The following MYO16 variants were observed in gnomAD, a reference collection of about 807,000 sequenced individuals.
The protein encoded by MYO16 is myosin XVI.
In MYO16, 94 loss-of-function variants were observed where a neutral mutation model predicts 205.3. The ratio of observed to expected loss-of-function variants is 0.46; its 90% CI spans 0.39 to 0.54. The LOEUF is 0.54. Ranked by LOEUF, MYO16 falls within the 20% of genes least tolerant of loss-of-function variation. The pLI is 0.00. For synonymous variants in MYO16, 988 were observed against 954.0 expected (o/e 1.04, Z -0.66); for missense variants, 2,315 against 2,387.5 (o/e 0.97, Z 0.63).
At chr13:108,541,299 A>G in the MYO16 span, among the ~76,000 whole-genome samples, 1 of 151,630 alleles carries the variant, frequency 6.6e-6, no homozygotes, top group African/African-American at 2.4e-5. Flanking sequence ...ATGTGTCTAT[A>G]TAACATCTAT....
chr13:109,012,754 T>C (rs1172202416), intron 22 of MYO16, among the ~76,000 whole-genome samples: 1 of 145,964 alleles, frequency 6.9e-6, no homozygotes. Context: ...GAGATTTATT[T>C]CAAATTGTTG....
intron 3 of MYO16, among the ~76,000 whole-genome samples, chr13:108,713,139 G>A (rs1322472437): frequency 2.0e-5 from 3 of 151,744 alleles, no homozygotes; most frequent in East Asian, 3.8e-4. Flanking sequence ...ACAAAGTAGG[G>A]GGTAAGTGAA....
At chr13:108,787,191 T>C (rs1886484250) in intron 5 of MYO16, among the ~76,000 whole-genome samples, 1 of 151,992 alleles carries the variant, frequency 6.6e-6, no homozygotes, top group Non-Finnish European at 1.5e-5. Flanking sequence ...GGGAGGAAAT[T>C]TGAAGGTGAT....
chr13:108,866,211 C>T lies in MYO16; in HGVS notation c.1394C>T (p.Pro465Leu). ...FIGDILLLVN[P>L]YKELPIYSSM... ...GGAGACATTCTTTTGCTTGTTAACC[C>T]ATACAAGGAGCTTCCAATTTATTCT... is the stretch of plus-strand genomic sequence containing the variant. The change falls in exon 12 of 35, where the codon CCA becomes CTA. Residue 465 changes from proline to leucine, a missense_variant. Pro to Leu is a moderately conservative substitution (Grantham distance 98). Around this residue, in one of 3 missense-constraint regions of MYO16, gnomAD observed 1,213 missense variants for 1,274.4 expected, o/e 0.95. Transcript: ENST00000457511. The T allele has an allele frequency of 6.2e-7, 1 of 1,602,462 alleles. No homozygotes were observed. Among genetic ancestry groups the T allele is most frequent in the Non-Finnish European group, 8.5e-7 (1 of 1,173,246 alleles).
the MYO16 span, among the ~76,000 whole-genome samples, chr13:108,564,258 T>A: frequency 0.016 from 2,467 of 150,878 alleles, 57 homozygotes; most frequent in South Asian, 0.087. Context: ...ACAACCTCCA[T>A]GTCCCAGGTT....
chr13:108,817,276 G>A (rs1314735339), intron 7 of MYO16, among the ~76,000 whole-genome samples: 1 of 152,080 alleles, frequency 6.6e-6, no homozygotes, highest in Non-Finnish European at 1.5e-5. Context: ...GAAACAAATG[G>A]CTCAACTCTC....
chr13:108,601,581 T>A (rs1381628558), intron 1 of MYO16, among the ~76,000 whole-genome samples: 1 of 152,084 alleles, frequency 6.6e-6, no homozygotes, highest in Non-Finnish European at 1.5e-5. Context: ...GATTCTAAAT[T>A]CTTCCATGCA....
At chr13:109,084,861 G>T (rs189553473) in intron 27 of MYO16, among the ~76,000 whole-genome samples, 138 of 152,068 alleles carry the variant, frequency 9.1e-4, no homozygotes, top group African/African-American at 3.0e-3. Flanking sequence ...CAAAGCCAGA[G>T]AAAACAGAAA....
intron 34 of MYO16, among the ~76,000 whole-genome samples, chr13:109,196,976 A>C (rs976376262): frequency 2.6e-5 from 4 of 152,200 alleles, no homozygotes; most frequent in Admixed American, 2.6e-4. Flanking sequence ...TGGATTTTGT[A>C]CCTATTATAG....
chr13:108,656,844 A>G (rs1040015525), intron 1 of MYO16, among the ~76,000 whole-genome samples: 12 of 152,204 alleles, frequency 7.9e-5, no homozygotes, highest in African/African-American at 2.9e-4. Context: ...TAAAGGGTGA[A>G]TAATAACCAA....
intron 23 of MYO16, among the ~76,000 whole-genome samples, chr13:109,037,627 G>A (rs1886756450): frequency 1.3e-5 from 2 of 152,086 alleles, no homozygotes; most frequent in Non-Finnish European, 2.9e-5. Context: ...AAGGTAGGTA[G>A]GAACAAGCCT....
chr13:109,055,816 G>T lies in MYO16; in HGVS notation c.3335+221G>T. On this transcript the variant is annotated intron_variant, in intron 27 of 34. Transcript: ENST00000457511. The surrounding 1 kb of genome is among the most constrained non-coding windows in gnomAD (Gnocchi z 5.0). ...TAAACTGTACTGAGGACAGTATCTT[G>T]GAAACCATTCTCATGTTCCTTTCAA... 2.3e-6 allele frequency: 1 copy of T among 437,790 alleles called. No individual in the cohort carries two copies. The highest frequency in any genetic ancestry group is 4.1e-6 in the Non-Finnish European group (1 of 246,390). 27.1% of individuals were successfully genotyped at this position (437,790 alleles called of 1,614,324 possible).
intron 29 of MYO16, among the ~76,000 whole-genome samples, chr13:109,122,127 G>A (rs1354522333): frequency 4.6e-5 from 7 of 152,150 alleles, no homozygotes; most frequent in Admixed American, 1.3e-4. Flanking sequence ...CAGGACCTGT[G>A]GCATCCAGAG....
intron 23 of MYO16, among the ~76,000 whole-genome samples, chr13:109,037,235 G>A (rs1306753901): frequency 6.6e-6 from 1 of 152,206 alleles, no homozygotes; most frequent in Non-Finnish European, 1.5e-5. Context: ...GCTTTTCTTT[G>A]TTTCTTCTCT....
Position 108,898,750 on chromosome 13 carries a change from A to G in MYO16, c.1777+617A>G, listed in dbSNP as rs113980250. Among the ~76,000 whole-genome samples the G allele has an allele frequency of 8.3e-3, 1,259 of 152,320 alleles. 16 individuals carry two copies. The highest frequency in any genetic ancestry group is 0.029 in the African/African-American group (1,194 of 41,580). On this transcript the variant is annotated intron_variant, in intron 15 of 34. Coordinates refer to ENST00000457511, the MANE Select transcript of MYO16 (RefSeq NM_001198950.3). Reference sequence around the variant, plus strand: ...CGTATTTGATTTAAATACTTAAAGTATATTTTATAAAAACTCCTTATTTAA... The same window carrying G: ...CGTATTTGATTTAAATACTTAAAGTGTATTTTATAAAAACTCCTTATTTAA...
intron 1 of MYO16, among the ~76,000 whole-genome samples, chr13:108,611,498 A>G (rs1404239044): frequency 6.6e-6 from 1 of 152,220 alleles, no homozygotes; most frequent in African/African-American, 2.4e-5. Flanking sequence ...AAATTTGAAC[A>G]CTACAGTCTT....
intron 1 of MYO16, among the ~76,000 whole-genome samples, chr13:108,630,111 T>A (rs1475147063): frequency 3.4e-5 from 5 of 148,194 alleles, no homozygotes; most frequent in Non-Finnish European, 6.0e-5. Context: ...TTCAGCTTTT[T>A]AAAAAAAATG....
chr13:108,510,450 CAT>C, the MYO16 span, among the ~76,000 whole-genome samples: 1 of 79,398 alleles, frequency 1.3e-5, no homozygotes, highest in Non-Finnish European at 2.4e-5. Context: ...TTATATTTAA[CAT>C]TGATAGCTGT....
chr13:108,961,628 C>T lies in MYO16; in HGVS notation c.2127C>T (p.Phe709=), dbSNP rs762089834. 14 of 1,613,954 alleles carry T rather than the reference C, an allele frequency of 8.7e-6. No individual in the cohort carries two copies. The highest frequency in any genetic ancestry group is 1.2e-5 in the Non-Finnish European group (14 of 1,179,836). Residue 709 remains phenylalanine (F), a synonymous_variant, in exon 18 of 35, where the codon TTC becomes TTT. Transcript: ENST00000457511. The part of the protein sequence containing the change: ...FTALNEGNSA[F]VSDLQLLEQV... Reference sequence around the variant, plus strand: ...CCCTGAATGAGGGGAACTCCGCCTTCGTTTCTGACCTCCAGCTCCTGGAAC... The same window carrying T: ...CCCTGAATGAGGGGAACTCCGCCTTTGTTTCTGACCTCCAGCTCCTGGAAC...
Sources: allele counts gnomAD v4.1 joint callset (sites outside exome capture counted in the v4.1 genomes callset), GRCh38; gene constraint gnomAD v4.1.1; regional missense constraint gnomAD v4.1.1; non-coding constraint Gnocchi (gnomAD v3.1); transcripts MANE v1.5; gene names NCBI Gene and HGNC (gene_info 2026-07-23, HGNC 2026-07-21).